Variants in CHD1 observed in about 807,000 individuals in gnomAD.
CHD1 encodes the protein ATP-dependent chromatin remodeler CHD1.
Under a neutral mutation model 224.2 loss-of-function variants are expected in CHD1, and 36 were observed. That is an observed-to-expected ratio of 0.16 (90% CI 0.12 to 0.21). The LOEUF is 0.21. Among genes scored for constraint, CHD1 ranks in the 10% least tolerant of loss-of-function variants. The probability of loss-of-function intolerance (pLI) is 1.00; values close to 1 mark genes in which losing one functional copy is unlikely to be tolerated. For synonymous variants in CHD1, 668 were observed against 658.3 expected, an observed-to-expected ratio of 1.01 and a Z score of -0.23; for missense variants, 1,378 against 1,994.8, an observed-to-expected ratio of 0.69 and a Z score of 5.89.
chr5:98,882,101 G>T lies in CHD1; in HGVS notation c.2741C>A (p.Thr914Lys), dbSNP rs1226529370. The T allele has an allele frequency of 6.2e-7, 1 of 1,612,706 alleles. No homozygotes were observed. Among genetic ancestry groups the T allele is most frequent in the African/African-American group, 1.3e-5 (1 of 74,808 alleles). ...KKQVNIYRLV[T>K]KGSVEEDILE... ...AATATCTTCTTCAACTGATCCCTTT[G>T]TAACTAGACGATAAATATTCACCTG... Residue 914 changes from threonine (T) to lysine (K), a missense_variant, in exon 20 of 36, where the codon ACA becomes AAA. Physicochemically the swap from Thr to Lys is moderately conservative, Grantham distance 78 (BLOSUM62 -1). Transcript: ENST00000614616.
chr5:98,880,347 AGCT>A lies in CHD1; in HGVS notation c.3061-622_3061-620del, dbSNP rs148380155. Among the ~76,000 whole-genome samples, 141 of 152,342 alleles carry A rather than the reference AGCT, an allele frequency of 9.3e-4. 1 individual carries two copies. Among genetic ancestry groups the A allele is most frequent in the African/African-American group, 2.9e-3 (121 of 41,588 alleles). Reference sequence around the variant, plus strand: ...ATTCTGTCTTATCTCCCCCTGCTATAGCTCTTTCCTCACTACAGTCAATCAACC... The same window carrying A: ...ATTCTGTCTTATCTCCCCCTGCTATACTTTCCTCACTACAGTCAATCAACC... On this transcript the variant is annotated intron_variant, in intron 22 of 35. Transcript: ENST00000614616.
At chr5:98,882,729 G>A (rs955564825) in intron 19 of CHD1, among the ~76,000 whole-genome samples, 2 of 152,040 alleles carry the variant, frequency 1.3e-5, no homozygotes, top group Admixed American at 6.5e-5. Context: ...TAAGCACATG[G>A]ACAAAATATA....
intron 24 of CHD1, among the ~76,000 whole-genome samples, chr5:98,875,884 T>A (rs941235377): frequency 6.6e-6 from 1 of 152,182 alleles, no homozygotes; most frequent in Non-Finnish European, 1.5e-5. Flanking sequence ...AATGTGTATA[T>A]ATAAACATAT....
Position 98,860,083 on chromosome 5 carries a change from A to G in CHD1, c.4428-15T>C, listed in dbSNP as rs746871061. The G allele has an allele frequency of 1.4e-5, 19 of 1,401,176 alleles. No homozygotes were observed. The highest frequency in any genetic ancestry group is 1.6e-5 in the Non-Finnish European group (16 of 1,001,144). The allele number at this position is 1,401,176 out of a possible 1,614,324, so 86.8% of individuals were successfully genotyped here. A position where few individuals can be genotyped will look rare whatever the true frequency, so the allele number is the denominator to read the frequency against. On this transcript the variant is annotated splice_polypyrimidine_tract_variant and intron_variant, in intron 32 of 35. Transcript: ENST00000614616. ...TCCACAGGTTTCTAGAAGAATTTAA[A>G]AAAAGGCAAATTAAGTTAGTCTGGT...
At chr5:98,859,153 G>T in intron 33 of CHD1, 138 bp from the exon 34 acceptor site, 1 of 558,638 alleles carries the variant, frequency 1.8e-6, no homozygotes, top group Non-Finnish European at 3.1e-6. Flanking sequence ...ATATATACAT[G>T]TATGACATTT....
chr5:98,882,988 T>C, intron 19 of CHD1, 100 bp downstream of exon 19: 1 of 774,382 alleles, frequency 1.3e-6, no homozygotes, highest in Non-Finnish European at 1.9e-6. Context: ...GTATGACTGT[T>C]ACAGTGATCT....
In CHD1 at chr5:98,928,806, T is replaced by C. The variant is rs796077946; in HGVS notation, c.-416A>G. Reference sequence around the variant, plus strand: ...AGCAAGAGCTATAAGTAACCAGTCGTCGCCGCCGCCGCCGCCGCCGTCGCG... The same window carrying C: ...AGCAAGAGCTATAAGTAACCAGTCGCCGCCGCCGCCGCCGCCGCCGTCGCG... On this transcript the variant is annotated 5_prime_UTR_variant, in exon 1 of 36. Coordinates refer to ENST00000614616, the MANE Select transcript of CHD1 (RefSeq NM_001270.4). 7.5e-4 allele frequency: 120 copies of C among 159,354 alleles called. 2 individuals are homozygous for C. Among genetic ancestry groups the C allele is most frequent in the South Asian group, 7.5e-3 (46 of 6,170 alleles). The allele number at this position is 159,354 out of a possible 1,614,324, so 9.9% of individuals were successfully genotyped here.
At chr5:98,883,043 A>AT in intron 19 of CHD1, 45 bp downstream of exon 19, 2 of 1,193,338 alleles carry the variant, frequency 1.7e-6, no homozygotes, top group Non-Finnish European at 2.2e-6. Context: ...AAAAAAAAAA[A>AT]GAATTCTAAA....
chr5:98,915,496 T>C (rs73153582), intron 2 of CHD1, among the ~76,000 whole-genome samples: 308 of 152,318 alleles, frequency 2.0e-3, no homozygotes, highest in African/African-American at 7.2e-3. Flanking sequence ...TATTTTCTAG[T>C]AAGCAGAGAA....
chr5:98,892,408 G>A, intron 15 of CHD1, 117 bp downstream of exon 15: 2 of 628,310 alleles, frequency 3.2e-6, no homozygotes, highest in Non-Finnish European at 5.2e-6. Flanking sequence ...TGAAACTCGA[G>A]AATTGCAACT....
At chr5:98,886,974 AATC>A (rs1447011696) in intron 17 of CHD1, among the ~76,000 whole-genome samples, 2 of 152,128 alleles carry the variant, frequency 1.3e-5, no homozygotes, top group African/African-American at 4.8e-5. Flanking sequence ...TTTAAAAACA[AATC>A]AACACAGGGC....
rs1561467150 is a variant in CHD1, at chr5:98,854,662, A to G, written c.*1718T>C. 6.6e-6 allele frequency: 1 copy of G among 152,276 alleles called. No homozygotes were observed. The highest frequency in any genetic ancestry group is 2.1e-4 in the South Asian group (1 of 4,830). The allele number at this position is 152,276 out of a possible 1,614,324, so 9.4% of individuals were successfully genotyped here. ...AGAAAGAGAAATTACTGCAAAAAAC[A>G]AAACAAAAAGCAAAAAAACCCACAA... On this transcript the variant is annotated 3_prime_UTR_variant, in exon 36 of 36. Coordinates refer to ENST00000614616, the MANE Select transcript of CHD1 (RefSeq NM_001270.4).
intron 5 of CHD1, 117 bp from the exon 6 acceptor site, chr5:98,901,452 T>C: frequency 1.4e-6 from 1 of 725,806 alleles, no homozygotes; most frequent in East Asian, 2.9e-5. Context: ...CTGTTGCTTT[T>C]ACTCATGCTA....
chr5:98,886,574 A>AT (rs1371112973), intron 17 of CHD1, among the ~76,000 whole-genome samples: 2 of 152,136 alleles, frequency 1.3e-5, no homozygotes, highest in Non-Finnish European at 2.9e-5. Context: ...TTAAACTAGT[A>AT]TTTTGGGAAG....
At position 98,900,840 on chromosome 5, in the gene CHD1, A is replaced by C. The variant is rs375177535; in HGVS notation, c.830T>G (p.Phe277Cys). 3 of 1,610,606 alleles carry C rather than the reference A, an allele frequency of 1.9e-6. No homozygotes were observed. Among genetic ancestry groups the C allele is most frequent in the Non-Finnish European group, 2.5e-6 (3 of 1,179,038 alleles). ...TTTTCTCCCAATCCGACAATCCATA[A>C]ATCTTTCTATGGTTTCAAATTCCTC... ...EEEEFETIER[F>C]MDCRIGRKGA... Residue 277 changes from phenylalanine to cysteine, a missense_variant, in exon 7 of 36, where the codon TTT becomes TGT. Coordinates refer to ENST00000614616, the MANE Select transcript of CHD1 (RefSeq NM_001270.4).
At chr5:98,912,393 G>C (rs1752480683) in intron 2 of CHD1, among the ~76,000 whole-genome samples, 1 of 152,070 alleles carries the variant, frequency 6.6e-6, no homozygotes, top group Non-Finnish European at 1.5e-5. Context: ...TGTCAAACTG[G>C]GCACGGTGGC....
intron 16 of CHD1, among the ~76,000 whole-genome samples, chr5:98,888,465 G>C: frequency 6.6e-6 from 1 of 152,042 alleles, no homozygotes; most frequent in East Asian, 1.9e-4. Flanking sequence ...TATACTATCG[G>C]GGAGGAAAAA....
intron 2 of CHD1, among the ~76,000 whole-genome samples, chr5:98,915,601 A>G (rs17166439): frequency 0.069 from 10,481 of 152,276 alleles, 385 homozygotes; most frequent in African/African-American, 0.1. Flanking sequence ...TATAGTATCA[A>G]TGACATGAAT....
chr5:98,879,445 A>G (rs901346374), intron 23 of CHD1, 107 bp downstream of exon 23: 23 of 923,760 alleles, frequency 2.5e-5, no homozygotes, highest in Non-Finnish European at 3.1e-5. Context: ...AATCAAGGCC[A>G]TTACAAGAAA....
Sources: allele counts gnomAD v4.1 joint callset (sites outside exome capture counted in the v4.1 genomes callset), GRCh38; gene constraint gnomAD v4.1.1; transcripts MANE v1.5; gene names NCBI Gene and HGNC (gene_info 2026-07-23, HGNC 2026-07-21).